The following TRMT1L variants were observed in gnomAD, a reference collection of about 807,000 sequenced individuals.
The protein encoded by TRMT1L is tRNA (guanine(27)-N(2))-dimethyltransferase.
A neutral mutation model predicts 81.6 loss-of-function variants in TRMT1L; 28 were observed. The ratio of observed to expected loss-of-function variants is 0.34; its 90% CI spans 0.25 to 0.47. TRMT1L has a LOEUF of 0.47. TRMT1L is among the 20% of genes least tolerant of loss of function. TRMT1L has a pLI of 1.00. For missense variants in TRMT1L, 739 were observed against 877.1 expected, an observed-to-expected ratio of 0.84 and a Z score of 1.99; for synonymous variants, 301 against 303.2, an observed-to-expected ratio of 0.99 and a Z score of 0.07.
At chr1:185,121,438 T>A (rs1025165584) in intron 13 of TRMT1L, among the ~76,000 whole-genome samples, 1 of 151,154 alleles carries the variant, frequency 6.6e-6, no homozygotes, top group African/African-American at 2.4e-5. Flanking sequence ...TGAGACCCTG[T>A]CTCTTAAAAA....
intron 10 of TRMT1L, among the ~76,000 whole-genome samples, chr1:185,134,251 C>G (rs1372077382): frequency 6.6e-6 from 1 of 152,072 alleles, no homozygotes; most frequent in Admixed American, 6.5e-5. Context: ...GGCATGATCT[C>G]AGCTCACTGC....
rs1181417119 is a variant in TRMT1L, at chr1:185,156,597, G to C, written c.116C>G (p.Pro39Arg). Reference sequence around the variant, plus strand: ...CGGAGCCGAGTCCAGAGCCGAATCCGGGGCCGGAGCTGGGACCCCAGCCGA... The same window carrying C: ...CGGAGCCGAGTCCAGAGCCGAATCCCGGGCCGGAGCTGGGACCCCAGCCGA... ...RDSAGVPAPAPDSALDSAPTP... is the reference protein window; with the variant it reads ...RDSAGVPAPARDSALDSAPTP... Residue 39 changes from proline to arginine, a missense_variant, in exon 1 of 15, where the codon CCG becomes CGG. Physicochemically the swap from Pro to Arg is moderately radical, Grantham distance 103. Transcript: ENST00000367506. 2 of 1,597,430 alleles carry C rather than the reference G, an allele frequency of 1.3e-6. No individual in the cohort carries two copies. The highest frequency in any genetic ancestry group is 1.7e-5 in the Admixed American group (1 of 57,344).
chr1:185,144,123 AAAC>A (rs1471652366), intron 5 of TRMT1L, 94 bp from the exon 6 acceptor site: 60 of 1,201,950 alleles, frequency 5.0e-5, no homozygotes, highest in South Asian at 3.3e-4. Flanking sequence ...TAAACATCTA[AAAC>A]AATAAATATA....
At chr1:185,150,575 G>A in intron 2 of TRMT1L, 83 bp from the exon 3 acceptor site, 3 of 913,380 alleles carry the variant, frequency 3.3e-6, no homozygotes, top group East Asian at 5.2e-5. Context: ...GTTAATGGGG[G>A]CTCCCCCTCC....
intron 13 of TRMT1L, among the ~76,000 whole-genome samples, chr1:185,123,148 A>G (rs1423395210): frequency 6.6e-6 from 1 of 152,236 alleles, no homozygotes; most frequent in Non-Finnish European, 1.5e-5. Context: ...TATACTATTA[A>G]AAGAAATTTA....
chr1:185,155,961 C>T (rs1653528051), intron 1 of TRMT1L, among the ~76,000 whole-genome samples: 1 of 152,292 alleles, frequency 6.6e-6, no homozygotes, highest in South Asian at 2.1e-4. Flanking sequence ...AGGCAAGCTG[C>T]TAGCGGGGGA....
At position 185,120,446 on chromosome 1, in the gene TRMT1L, G is replaced by C. The variant is rs765131830; in HGVS notation, c.1886C>G (p.Thr629Ser). ...GTTGTAATAAAAGGGAGGATGTTCA[G>C]TACTGACATCAGTCTTTTGCTTCTT... ...LGKKQKTDVS[T>S]EHPPFYYNIH... The change falls in exon 14 of 15, where the codon ACT becomes AGT. Residue 629 changes from threonine (T) to serine (S), a missense_variant. Thr to Ser is a moderately conservative substitution (Grantham distance 58, BLOSUM62 1). This residue lies in a region of TRMT1L where 196 missense variants were observed against 232.6 expected (regional missense o/e 0.84). Transcript: ENST00000367506. 2 of 1,603,336 alleles carry C rather than the reference G, an allele frequency of 1.2e-6. No individual in the cohort carries two copies. Among genetic ancestry groups the C allele is most frequent in the East Asian group, 4.5e-5 (2 of 44,278 alleles).
intron 7 of TRMT1L, among the ~76,000 whole-genome samples, chr1:185,141,189 TG>T (rs1653032767): frequency 6.6e-6 from 1 of 152,070 alleles, no homozygotes; most frequent in Admixed American, 6.6e-5. Flanking sequence ...TCCATACACG[TG>T]TCTCATGAAT....
At chr1:185,131,030 C>T (rs1652756574) in intron 10 of TRMT1L, among the ~76,000 whole-genome samples, 2 of 151,808 alleles carry the variant, frequency 1.3e-5, no homozygotes, top group Admixed American at 1.3e-4. Context: ...GAGACAGTCT[C>T]GCTTTGTTGC....
In TRMT1L at chr1:185,156,771, C is replaced by A; in HGVS notation, c.-59G>T. On this transcript the variant is annotated 5_prime_UTR_variant, in exon 1 of 15. Coordinates refer to ENST00000367506, the MANE Select transcript of TRMT1L (RefSeq NM_030934.5). ...CCCGGAGCGGGGCTCACGGCGGGGT[C>A]AGAGAACTGACGTGAATGCCCACAG... 1 of 1,601,190 alleles carries A rather than the reference C, an allele frequency of 6.2e-7. No homozygotes were observed. The highest frequency in any genetic ancestry group is 1.1e-5 in the South Asian group (1 of 89,354).
Position 185,119,596 on chromosome 1 carries a change from A to G in TRMT1L, c.*423T>C, listed in dbSNP as rs755206767. On this transcript the variant is annotated 3_prime_UTR_variant, in exon 15 of 15. Coordinates refer to ENST00000367506, the MANE Select transcript of TRMT1L (RefSeq NM_030934.5). ...TTCCTATTCTATTCAGGGTCATTTT[A>G]ACATGTGAGCCTTCAGCTTCATTTT... is the stretch of plus-strand genomic sequence containing the variant. The G allele has an allele frequency of 1.9e-5, 3 of 154,916 alleles. No individual in the cohort carries two copies. Among genetic ancestry groups the G allele is most frequent in the Admixed American group, 1.3e-4 (2 of 15,618 alleles). The allele number at this position is 154,916 out of a possible 1,614,324, so 9.6% of individuals were successfully genotyped here.
In TRMT1L at chr1:185,156,687, A is replaced by G. The variant is rs774596700; in HGVS notation, c.26T>C (p.Leu9Pro). The G allele has an allele frequency of 1.2e-6, 2 of 1,612,512 alleles. No individual in the cohort carries two copies. Among genetic ancestry groups the G allele is most frequent in the East Asian group, 2.2e-5 (1 of 44,810 alleles). MENMAEEE[L>P]LPLEKEEVEV... ...CACCTCCTCCTTCTCCAGGGGCAGC[A>G]GCTCCTCCTCCGCCATATTCTCCAT... The change falls in exon 1 of 15, where the codon CTG (leucine) becomes CCG (proline). Residue 9 changes from leucine (L) to proline (P), a missense_variant. Around this residue, in one of 4 missense-constraint regions of TRMT1L, gnomAD observed 209 missense variants for 165.4 expected, o/e 1.26. Coordinates refer to ENST00000367506, the MANE Select transcript of TRMT1L (RefSeq NM_030934.5).
chr1:185,153,891 T>C (rs2102262514), intron 1 of TRMT1L, among the ~76,000 whole-genome samples: 1 of 152,344 alleles, frequency 6.6e-6, no homozygotes, highest in African/African-American at 2.4e-5. Flanking sequence ...TATTAGCACC[T>C]TCTTGACTAC....
At chr1:185,132,121 A>T (rs1216655939) in intron 10 of TRMT1L, among the ~76,000 whole-genome samples, 2 of 152,138 alleles carry the variant, frequency 1.3e-5, no homozygotes, top group Non-Finnish European at 2.9e-5. Flanking sequence ...ACCCTGGGCA[A>T]CACAGCAAGA....
intron 5 of TRMT1L, among the ~76,000 whole-genome samples, chr1:185,144,921 A>G (rs989388302): frequency 1.3e-5 from 2 of 151,456 alleles, no homozygotes; most frequent in African/African-American, 2.4e-5. Flanking sequence ...TTTTTTTTCA[A>G]TTCTTAAAGG....
chr1:185,149,967 AGTT>A (rs1359077870), intron 3 of TRMT1L, among the ~76,000 whole-genome samples: 1 of 152,166 alleles, frequency 6.6e-6, no homozygotes, highest in Non-Finnish European at 1.5e-5. Flanking sequence ...TAACTCCAGT[AGTT>A]TTTTTAAGCC....
intron 2 of TRMT1L, among the ~76,000 whole-genome samples, chr1:185,151,435 G>T (rs1437252930): frequency 2.0e-5 from 3 of 152,184 alleles, no homozygotes; most frequent in African/African-American, 7.2e-5. Context: ...AAAGAGAGCA[G>T]TGTGGGGCAC....
intron 10 of TRMT1L, among the ~76,000 whole-genome samples, chr1:185,133,650 T>G (rs1457088293): frequency 6.7e-6 from 1 of 150,156 alleles, no homozygotes; most frequent in East Asian, 1.9e-4. Context: ...CAGGCTGGAG[T>G]GCAGTGGTGT....
intron 3 of TRMT1L, among the ~76,000 whole-genome samples, 184 bp downstream of exon 3, chr1:185,150,195 A>C (rs976360557): frequency 6.6e-6 from 1 of 152,208 alleles, no homozygotes; most frequent in Non-Finnish European, 1.5e-5. Flanking sequence ...AAACTGTGTC[A>C]TATAGATCTC....
Sources: allele counts gnomAD v4.1 joint callset (sites outside exome capture counted in the v4.1 genomes callset), GRCh38; gene constraint gnomAD v4.1.1; regional missense constraint gnomAD v4.1.1; transcripts MANE v1.5; gene names NCBI Gene and HGNC (gene_info 2026-07-23, HGNC 2026-07-21).